The following C3orf52 variants were observed in gnomAD, a reference collection of about 807,000 sequenced individuals.
C3orf52 encodes TPA-induced transmembrane protein.
C3orf52 carries 22 observed loss-of-function variants against 24.8 expected under a neutral mutation model. That is an observed-to-expected ratio of 0.89 (90% CI 0.63 to 1.27). C3orf52 has a LOEUF of 1.27. Ranked by LOEUF, C3orf52 falls within the 50% of genes most tolerant of loss-of-function variation. The pLI is 0.00. For synonymous variants in C3orf52, 93 were observed against 100.2 expected, an observed-to-expected ratio of 0.93 and a Z score of 0.43; for missense variants, 265 against 260.7, an observed-to-expected ratio of 1.02 and a Z score of -0.11.
chr3:112,128,514 T>C (rs2074380645), exon 5 of C3orf52: 1 of 303,286 alleles, frequency 3.3e-6, no homozygotes, highest in South Asian at 3.1e-5. Flanking sequence ...GTCTATATTC[T>C]ACACTAGAAT....
chr3:112,105,956 A>G (rs1017534735), intron 3 of C3orf52, among the ~76,000 whole-genome samples: 1 of 152,182 alleles, frequency 6.6e-6, no homozygotes, highest in African/African-American at 2.4e-5. Flanking sequence ...AGAATGGCTC[A>G]CAGAGCTCAG....
chr3:112,086,648 C>T, intron 1 of C3orf52, 103 bp downstream of exon 1: 1 of 1,403,432 alleles, frequency 7.1e-7, no homozygotes, highest in Non-Finnish European at 9.6e-7. Context: ...GGCGGGGCGT[C>T]GACGGCGCCG....
At chr3:112,110,271 GT>G (rs1412127517) in intron 4 of C3orf52, among the ~76,000 whole-genome samples, 1 of 152,044 alleles carries the variant, frequency 6.6e-6, no homozygotes, top group East Asian at 1.9e-4. Flanking sequence ...GGAGGTTGCA[GT>G]GAGCCGAGAT....
intron 4 of C3orf52, chr3:112,123,855 T>A: frequency 2.1e-6 from 3 of 1,429,904 alleles, no homozygotes; most frequent in Non-Finnish European, 2.8e-6. Flanking sequence ...GGCTTGACCC[T>A]TGGTCAAGTC....
chr3:112,123,876 G>T, intron 4 of C3orf52: 1 of 1,207,842 alleles, frequency 8.3e-7, no homozygotes, highest in Non-Finnish European at 1.2e-6. Context: ...TGTCTTCTAT[G>T]ACCACCTCCT....
chr3:112,108,305 A>C (rs945943937), intron 3 of C3orf52, among the ~76,000 whole-genome samples: 10 of 152,164 alleles, frequency 6.6e-5, no homozygotes, highest in Admixed American at 1.3e-4. Context: ...GTGAAGCACT[A>C]TTTTATACTC....
At chr3:112,092,587 G>A (rs1212058101) in intron 1 of C3orf52, among the ~76,000 whole-genome samples, 8 of 152,172 alleles carry the variant, frequency 5.3e-5, no homozygotes, top group African/African-American at 1.4e-4. Flanking sequence ...TCTGAATTGC[G>A]TCTTTGAAAT....
At chr3:112,119,672 CCTT>C (rs2074170520), downstream of C3orf52, 2 of 594,280 alleles carry the variant, frequency 3.4e-6, no homozygotes, top group Non-Finnish European at 6.0e-6. Context: ...TCAATGTCCT[CCTT>C]CTCCTCTCCC....
At chr3:112,103,853 G>A (rs1047526337) in intron 3 of C3orf52, among the ~76,000 whole-genome samples, 1 of 152,178 alleles carries the variant, frequency 6.6e-6, no homozygotes, top group East Asian at 1.9e-4. Context: ...GCAGAGATAA[G>A]GCTAAAAAGG....
chr3:112,087,048 T>A (rs1361875390), intron 1 of C3orf52, among the ~76,000 whole-genome samples: 2 of 151,792 alleles, frequency 1.3e-5, no homozygotes, highest in African/African-American at 2.4e-5. Flanking sequence ...CGCCAAGCAC[T>A]TTCTGCCTTC....
intron 4 of C3orf52, among the ~76,000 whole-genome samples, chr3:112,124,024 T>C (rs1345872825): frequency 1.3e-5 from 2 of 152,128 alleles, no homozygotes; most frequent in East Asian, 3.9e-4. Context: ...GACCACCTGA[T>C]ATAGTTTGGA....
chr3:112,121,916 G>A (rs888327121), downstream of C3orf52: 16 of 152,182 alleles, frequency 1.1e-4, no homozygotes, highest in African/African-American at 3.6e-4. Context: ...TCGCTTAGCT[G>A]GTCCAAGGGC....
chr3:112,115,496 C>T (rs1355149643), intron 5 of C3orf52, among the ~76,000 whole-genome samples: 42 of 152,128 alleles, frequency 2.8e-4, no homozygotes, highest in Admixed American at 2.7e-3. Context: ...TGGTAATGTT[C>T]TTAGTCTTCA....
rs143251055 is a variant in C3orf52, at chr3:112,111,078, G to A, written c.467+1465G>A. Among the ~76,000 whole-genome samples the A allele has an allele frequency of 5.8e-3, 880 of 152,278 alleles. 2 individuals carry two copies. Among genetic ancestry groups the A allele is most frequent in the Non-Finnish European group, 8.7e-3 (593 of 68,022 alleles). On this transcript the variant is annotated intron_variant, in intron 4 of 5. Coordinates refer to ENST00000264848, the MANE Select transcript of C3orf52 (RefSeq NM_024616.3). ...ACAAAAATTAGCTGGACGTGGTGGCGCGTGCCTGTAAACCCAGCTACTTGG... is the reference window on the plus strand; with the variant it reads ...ACAAAAATTAGCTGGACGTGGTGGCACGTGCCTGTAAACCCAGCTACTTGG...
intron 4 of C3orf52, among the ~76,000 whole-genome samples, chr3:112,110,563 T>G (rs2074070459): frequency 6.6e-6 from 1 of 152,204 alleles, no homozygotes; most frequent in Admixed American, 6.5e-5. Flanking sequence ...GTATTTTTTA[T>G]TTTTTAAATT....
intron 2 of C3orf52, among the ~76,000 whole-genome samples, chr3:112,100,335 C>T (rs2073961185): frequency 6.6e-6 from 1 of 152,182 alleles, no homozygotes; most frequent in African/African-American, 2.4e-5. Context: ...CAACATACAA[C>T]ACATGTTTTT....
At position 112,117,193 on chromosome 3, in the gene C3orf52, C is replaced by T. The variant is rs729641; in HGVS notation, c.*547C>T. 318,228 of 537,800 alleles carry T rather than the reference C, an allele frequency of 0.59. 97,876 individuals carry two copies. Among genetic ancestry groups the T allele is most frequent in the East Asian group, 0.74 (26,038 of 35,034 alleles). 33.3% of individuals were successfully genotyped at this position (537,800 alleles called of 1,614,324 possible). A position where few individuals can be genotyped will look rare whatever the true frequency, so the allele number is the denominator to read the frequency against. ...ATTATTCACTGAAGTCATCCTCCTCCCCCCCACCATTCGATTTGATCTACC... is the reference window on the plus strand; with the variant it reads ...ATTATTCACTGAAGTCATCCTCCTCTCCCCCACCATTCGATTTGATCTACC... On this transcript the variant is annotated 3_prime_UTR_variant, in exon 6 of 6. Coordinates refer to ENST00000264848, the MANE Select transcript of C3orf52 (RefSeq NM_024616.3).
intron 2 of C3orf52, among the ~76,000 whole-genome samples, chr3:112,100,205 T>G (rs1438995390): frequency 1.3e-5 from 2 of 152,220 alleles, no homozygotes; most frequent in Non-Finnish European, 2.9e-5. Context: ...CAGCCTCTAC[T>G]TTCTTCGTGG....
At chr3:112,131,994 G>A (rs1158407464), downstream of C3orf52, among the ~76,000 whole-genome samples, 1 of 151,910 alleles carries the variant, frequency 6.6e-6, no homozygotes, top group African/African-American at 2.4e-5. Flanking sequence ...CACTTATTCA[G>A]TGCACGTGAT....
Sources: gnomAD v4.1 joint callset for allele counts (sites outside exome capture counted in the v4.1 genomes callset) on GRCh38, gnomAD v4.1.1 for gene constraint, MANE v1.5 for transcripts, NCBI Gene and HGNC (gene_info 2026-07-23, HGNC 2026-07-21) for gene names.